RPF2: variants seen among roughly 807,000 people sequenced by gnomAD.
RPF2 encodes the protein brix domain containing 1.
In RPF2, 21 loss-of-function variants were observed where a neutral mutation model predicts 38.9. The observed-to-expected ratio is 0.54, with a 90% CI of 0.38 to 0.78. RPF2 has a LOEUF of 0.78. Ranked by LOEUF, RPF2 falls within the 30% of genes least tolerant of loss-of-function variation. The pLI, the probability that RPF2 is intolerant of heterozygous loss-of-function variation, is 0.00. For synonymous variants in RPF2, 121 were observed against 126.2 expected, an observed-to-expected ratio of 0.96 and a Z score of 0.28; for missense variants, 314 against 358.1, an observed-to-expected ratio of 0.88 and a Z score of 0.99.
chr6:111,017,337 G>A (rs1430890714), intron 8 of RPF2, among the ~76,000 whole-genome samples: 1 of 151,524 alleles, frequency 6.6e-6, no homozygotes, highest in Non-Finnish European at 1.5e-5. Flanking sequence ...GGATGGGGCG[G>A]CTGGCCGGGC....
intron 8 of RPF2, among the ~76,000 whole-genome samples, chr6:111,023,455 G>A (rs1452439004): frequency 6.6e-6 from 1 of 152,124 alleles, no homozygotes; most frequent in East Asian, 1.9e-4. Flanking sequence ...CAAAGAAAAA[G>A]CCAATTATAA....
chr6:110,988,879 T>C, intron 2 of RPF2, 149 bp from the exon 3 acceptor site: 1 of 954,438 alleles, frequency 1.0e-6, no homozygotes, highest in Non-Finnish European at 1.5e-6. Context: ...CAAGTTACTG[T>C]AAGTGATGAA....
At chr6:110,985,777 A>T (rs1583256706) in intron 2 of RPF2, among the ~76,000 whole-genome samples, 1 of 152,056 alleles carries the variant, frequency 6.6e-6, no homozygotes, top group South Asian at 2.1e-4. Context: ...GTCTCTACTA[A>T]AAGTACAAAA....
intron 7 of RPF2, among the ~76,000 whole-genome samples, chr6:111,010,128 CT>C (rs201363141): frequency 7.0e-4 from 92 of 130,712 alleles, no homozygotes; most frequent in Middle Eastern, 7.8e-3. Flanking sequence ...TTTTTTTTTT[CT>C]TTTTTTTTTT....
intron 4 of RPF2, among the ~76,000 whole-genome samples, chr6:110,994,727 G>C (rs1056158032): frequency 3.7e-5 from 4 of 107,366 alleles, no homozygotes; most frequent in Non-Finnish European, 7.1e-5. Flanking sequence ...AATGGGATGA[G>C]TATATATACA....
intron 8 of RPF2, among the ~76,000 whole-genome samples, chr6:111,019,917 C>CTTTTTTTTTTT (rs763096502): frequency 6.7e-6 from 1 of 148,958 alleles, no homozygotes; most frequent in African/African-American, 2.5e-5. Flanking sequence ...TCTTTTCTTT[C>CTTTTTTTTTTT]TTTTGTTTTT....
intron 9 of RPF2, 112 bp downstream of exon 9, chr6:111,024,439 C>T (rs1431501936): frequency 2.6e-5 from 27 of 1,044,824 alleles, no homozygotes; most frequent in East Asian, 8.6e-5. Flanking sequence ...ACAGGCCAGG[C>T]GCGGTGGCTC....
At chr6:110,991,171 A>G (rs1771612908) in intron 3 of RPF2, among the ~76,000 whole-genome samples, 1 of 152,190 alleles carries the variant, frequency 6.6e-6, no homozygotes, top group Admixed American at 6.6e-5. Flanking sequence ...AGTAAGTTGC[A>G]TATACTTTAA....
At chr6:111,006,836 G>A (rs1317756525) in intron 6 of RPF2, among the ~76,000 whole-genome samples, 2 of 152,080 alleles carry the variant, frequency 1.3e-5, no homozygotes, top group African/African-American at 4.8e-5. Context: ...CACTTTGGGA[G>A]GCCAAGGCGG....
chr6:111,024,134 G>A lies in RPF2; in HGVS notation c.597-49G>A, dbSNP rs371517260. 24 of 1,502,080 alleles carry A rather than the reference G, an allele frequency of 1.6e-5. No individual in the cohort carries two copies. In the African/African-American group the frequency reaches 3.1e-4, roughly 19 times the overall value. The allele number at this position is 1,502,080 out of a possible 1,614,324, so 93.0% of individuals were successfully genotyped here. A position where few individuals can be genotyped will look rare whatever the true frequency, so the allele number is the denominator to read the frequency against. ...TGAACAAAAAATATTTGGTGGAGAG[G>A]ACTTTTATGAAAGTCAAAGCAACAT... is the stretch of plus-strand genomic sequence containing the variant. On this transcript the variant is annotated intron_variant, in intron 8 of 9. Transcript: ENST00000441448.
In RPF2 at chr6:111,027,976, A is replaced by G. The variant is rs1583279934; in HGVS notation, c.*2394A>G. ...AATTGGAGACTATGTATTCATTTCA[A>G]TGGAGGTGGTAAATTGCCTGTTTTA... On this transcript the variant is annotated 3_prime_UTR_variant, in exon 10 of 10. Transcript: ENST00000441448. 6.6e-6 allele frequency: 1 copy of G among 152,182 alleles called. No homozygotes were observed. The highest frequency in any genetic ancestry group is 2.4e-5 in the African/African-American group (1 of 41,462). The allele number at this position is 152,182 out of a possible 1,614,324, so 9.4% of individuals were successfully genotyped here. A position where few individuals can be genotyped will look rare whatever the true frequency, so the allele number is the denominator to read the frequency against.
chr6:111,020,150 C>T (rs887233882), intron 8 of RPF2, among the ~76,000 whole-genome samples: 1 of 152,108 alleles, frequency 6.6e-6, no homozygotes, highest in Non-Finnish European at 1.5e-5. Flanking sequence ...AATCTCCTGA[C>T]CTCGTGATCT....
In RPF2 at chr6:111,021,094, C is replaced by T. The variant is rs535474633; in HGVS notation, c.597-3089C>T. Among the ~76,000 whole-genome samples the T allele has an allele frequency of 1.2e-4, 19 of 152,124 alleles. No individual in the cohort carries two copies. The South Asian group carries it at 2.1e-3, about 17-fold the overall frequency. ...CAAGGCAGGAGAATTGCTTGAACCA[C>T]GGAGTCGGAGATTGCAGCGAGCCTA... is the stretch of plus-strand genomic sequence containing the variant. On this transcript the variant is annotated intron_variant, in intron 8 of 9. Transcript: ENST00000441448.
intron 8 of RPF2, among the ~76,000 whole-genome samples, chr6:111,016,850 C>A (rs889591079): frequency 6.6e-6 from 1 of 151,428 alleles, no homozygotes; most frequent in Non-Finnish European, 1.5e-5. Flanking sequence ...GTGTTTGTGT[C>A]CCTGGGTACT....
At chr6:111,021,887 G>T (rs1772240850) in intron 8 of RPF2, among the ~76,000 whole-genome samples, 2 of 152,122 alleles carry the variant, frequency 1.3e-5, no homozygotes, top group Admixed American at 1.3e-4. Flanking sequence ...TTATAAAATG[G>T]TTTTGAGCTT....
chr6:110,996,008 G>A (rs1771704942), intron 4 of RPF2, among the ~76,000 whole-genome samples: 1 of 152,008 alleles, frequency 6.6e-6, no homozygotes, highest in Admixed American at 6.6e-5. Context: ...CTTAGAGACA[G>A]GGTTTCACTA....
chr6:111,003,474 G>T lies in RPF2; in HGVS notation c.393+3687G>T, dbSNP rs187182417. 2.7e-3 allele frequency among the ~76,000 whole-genome samples: 416 copies of T among 152,052 alleles called. 1 individual carries two copies. Among genetic ancestry groups the T allele is most frequent in the Admixed American group, 7.3e-3 (112 of 15,256 alleles). On this transcript the variant is annotated intron_variant, in intron 6 of 9. Transcript: ENST00000441448. ...CCCAGCTAATTTTTTTGTATTTTTA[G>T]TAGAGACAATGAGAATATTTAACTC... is the stretch of plus-strand genomic sequence containing the variant.
intron 4 of RPF2, among the ~76,000 whole-genome samples, chr6:110,993,846 C>G (rs1771661933): frequency 6.6e-6 from 1 of 152,204 alleles, no homozygotes; most frequent in Non-Finnish European, 1.5e-5. Context: ...CTGACCCTCT[C>G]CACACATTTT....
intron 5 of RPF2, among the ~76,000 whole-genome samples, chr6:110,998,663 C>G (rs1017942153): frequency 3.9e-5 from 6 of 152,122 alleles, no homozygotes; most frequent in Non-Finnish European, 5.9e-5. Context: ...CAGACACGCA[C>G]AGGACAGGAG....
Sources: allele counts gnomAD v4.1 joint callset (sites outside exome capture counted in the v4.1 genomes callset), GRCh38; gene constraint gnomAD v4.1.1; transcripts MANE v1.5; gene names NCBI Gene and HGNC (gene_info 2026-07-23, HGNC 2026-07-21).